EFCAB9: variants seen among roughly 807,000 people sequenced by gnomAD.
The protein encoded by EFCAB9 is EF-hand calcium-binding domain-containing protein 9.
In EFCAB9, 16 loss-of-function variants were observed where a neutral mutation model predicts 15.6. The observed-to-expected ratio is 1.03, with a 90% CI of 0.69 to 1.56. The LOEUF is 1.56. EFCAB9 is among the 40% of genes most tolerant of loss of function. The pLI is 0.00. For synonymous variants in EFCAB9, 76 were observed against 85.4 expected (o/e 0.89, Z 0.61); for missense variants, 208 against 235.4 (o/e 0.88, Z 0.76).
chr5:172,201,745 G>A (rs568428385), intron 3 of EFCAB9, among the ~76,000 whole-genome samples: 30 of 152,204 alleles, frequency 2.0e-4, no homozygotes, highest in South Asian at 6.2e-4. Context: ...ACTGTGGTGC[G>A]CACCTGTAGT....
At chr5:172,194,410 T>C in intron 1 of EFCAB9, 102 bp downstream of exon 1, 1 of 1,429,302 alleles carries the variant, frequency 7.0e-7, no homozygotes, top group Middle Eastern at 1.8e-4. Context: ...GTACATTTTT[T>C]TTTTTTTGAG....
chr5:172,200,868 C>CA, intron 3 of EFCAB9, 126 bp downstream of exon 3: 1 of 903,364 alleles, frequency 1.1e-6, no homozygotes, highest in South Asian at 1.8e-5. Context: ...CAAATAAGCA[C>CA]ATTGCATGGC....
At position 172,203,286 on chromosome 5, in the gene EFCAB9, GAGGAGAAAGAAAA is replaced by G. The variant is rs1771289467; in HGVS notation, c.542_554del (p.Lys181ArgfsTer34). ...CAAATTACAGAAGAGGCAGAAAACA[GAGGAGAAAGAAAA>G]AGGAGAGAGAAAGAGAAGTCTCTAC... On this transcript the variant is annotated frameshift_variant, in exon 4 of 4. Transcript: ENST00000398186. LOFTEE classifies it low-confidence loss of function (END_TRUNC). The G allele has an allele frequency of 6.5e-7, 1 of 1,536,666 alleles. No individual in the cohort carries two copies. The highest frequency in any genetic ancestry group is 8.7e-7 in the Non-Finnish European group (1 of 1,146,724).
intron 1 of EFCAB9, among the ~76,000 whole-genome samples, chr5:172,195,341 G>C (rs1263458638): frequency 1.3e-5 from 2 of 152,168 alleles, no homozygotes; most frequent in Admixed American, 1.3e-4. Flanking sequence ...ACCTCAGAGA[G>C]AGAAATGTCA....
At chr5:172,195,183 A>AATAT (rs779715012) in intron 1 of EFCAB9, among the ~76,000 whole-genome samples, 2 of 146,988 alleles carry the variant, frequency 1.4e-5, no homozygotes, top group Non-Finnish European at 3.0e-5. Context: ...TAAATAAATA[A>AATAT]AAATAAATAA....
intron 3 of EFCAB9, 104 bp downstream of exon 3, chr5:172,200,846 GA>G: frequency 8.6e-7 from 1 of 1,163,864 alleles, no homozygotes; most frequent in Non-Finnish European, 1.2e-6. Context: ...AGGAGGGAGG[GA>G]AAAACCTACT....
In EFCAB9 at chr5:172,200,725, G is replaced by A. The variant is rs372002793; in HGVS notation, c.445G>A (p.Asp149Asn). The change falls in exon 3 of 4, where the codon GAC becomes AAC. Residue 149 changes from aspartate to asparagine, a missense_variant. Asp to Asn is a conservative substitution (Grantham distance 23, BLOSUM62 1). Transcript: ENST00000398186. ...QELKDLFRDF[D>N]ITGDNRLNYQ... ...ACTCAAAGATCTCTTCCGTGACTTTGACATTACAGGTGACAATGTAAGTAC... is the reference window on the plus strand; with the variant it reads ...ACTCAAAGATCTCTTCCGTGACTTTAACATTACAGGTGACAATGTAAGTAC... 6 of 1,537,026 alleles carry A rather than the reference G, an allele frequency of 3.9e-6. No homozygotes were observed. The African/African-American group carries it at 8.2e-5, about 21-fold the overall frequency.
At chr5:172,194,551 C>T (rs2113856788) in intron 1 of EFCAB9, among the ~76,000 whole-genome samples, 1 of 152,272 alleles carries the variant, frequency 6.6e-6, no homozygotes, top group East Asian at 1.9e-4. Flanking sequence ...AGGTGTCTGC[C>T]ACCACGCCTG....
chr5:172,199,762 C>T (rs1458561677), intron 2 of EFCAB9, among the ~76,000 whole-genome samples: 1 of 152,078 alleles, frequency 6.6e-6, no homozygotes, highest in East Asian at 1.9e-4. Flanking sequence ...AGATGTGGCC[C>T]ATCGCATCCC....
intron 3 of EFCAB9, among the ~76,000 whole-genome samples, chr5:172,201,356 A>G (rs1002003611): frequency 1.3e-5 from 2 of 151,194 alleles, no homozygotes; most frequent in African/African-American, 4.9e-5. Flanking sequence ...CCTGGGCAAC[A>G]AGAGGGAAAC....
At chr5:172,201,825 AT>A (rs1771261004) in intron 3 of EFCAB9, among the ~76,000 whole-genome samples, 2 of 152,304 alleles carry the variant, frequency 1.3e-5, no homozygotes, top group African/African-American at 4.8e-5. Flanking sequence ...CCCGGGCAAC[AT>A]AGTGAGATCC....
At chr5:172,202,739 C>CT (rs1561844047) in intron 3 of EFCAB9, among the ~76,000 whole-genome samples, 5 of 151,482 alleles carry the variant, frequency 3.3e-5, no homozygotes. Context: ...CAGTGTCTCA[C>CT]GCCTGTAATC....
At chr5:172,196,340 G>T (rs572615997) in intron 1 of EFCAB9, among the ~76,000 whole-genome samples, 67 of 152,112 alleles carry the variant, frequency 4.4e-4, no homozygotes, top group Non-Finnish European at 1.3e-4. Context: ...GGCTTCAGCT[G>T]GGACTCCACA....
In EFCAB9 at chr5:172,199,932, C is replaced by CTTTTT. The variant is rs34086491; in HGVS notation, c.285+419_285+423dup. Among the ~76,000 whole-genome samples, 9 of 102,348 alleles carry CTTTTT rather than the reference C, an allele frequency of 8.8e-5. 1 individual carries two copies. Among genetic ancestry groups the CTTTTT allele is most frequent in the Admixed American group, 1.1e-4 (1 of 9,166 alleles). 67.1% of individuals were successfully genotyped at this position (102,348 alleles called of 152,430 possible). On this transcript the variant is annotated intron_variant, in intron 2 of 3. Transcript: ENST00000398186. ...TTCCAGTATGTACTTACCCAGTTTC[C>CTTTTT]TTTTTTTTTTTTTTTTTTTTTTGAG...
intron 1 of EFCAB9, 44 bp from the exon 2 acceptor site, chr5:172,199,339 A>C (rs992686756): frequency 1.3e-5 from 20 of 1,529,274 alleles, no homozygotes; most frequent in Non-Finnish European, 1.7e-5. Flanking sequence ...GCATTTTGGA[A>C]CTATATCCAA....
Position 172,194,273 on chromosome 5 carries a change from A to G in EFCAB9, c.101A>G (p.His34Arg). The change falls in exon 1 of 4, where the codon CAT becomes CGT. Residue 34 changes from histidine (H) to arginine (R), a missense_variant. Coordinates refer to ENST00000398186, the MANE Select transcript of EFCAB9 (RefSeq NM_001171183.2). ...GTGAAGGCTTTGGCAGAATATTTTC[A>G]TATTCTGGACGTGCACGGCAAGAAC... ...RNVKALAEYF[H>R]ILDVHGKNTL... 1 of 1,537,920 alleles carries G rather than the reference A, an allele frequency of 6.5e-7. No individual in the cohort carries two copies. The highest frequency in any genetic ancestry group is 1.2e-5 in the South Asian group (1 of 84,066).
chr5:172,203,010 A>T (rs1263050249), intron 3 of EFCAB9, among the ~76,000 whole-genome samples: 2 of 152,196 alleles, frequency 1.3e-5, no homozygotes, highest in Non-Finnish European at 2.9e-5. Context: ...AAAAAATAAA[A>T]GTGGCCCTTG....
rs1251017114 is a variant in EFCAB9, at chr5:172,199,448, T to C, written c.202T>C (p.Phe68Leu). 23 of 1,537,192 alleles carry C rather than the reference T, an allele frequency of 1.5e-5. No individual in the cohort carries two copies. The highest frequency in any genetic ancestry group is 1.7e-6 in the Non-Finnish European group (2 of 1,146,920). Residue 68 changes from phenylalanine (F) to leucine (L), a missense_variant, in exon 2 of 4, where the codon TTT becomes CTT. Physicochemically the swap from Phe to Leu is conservative, Grantham distance 22. Transcript: ENST00000398186. ...DLKKAQINIV[F>L]DMLDWNAVGE... Reference sequence around the variant, plus strand: ...GAAAAAGGCACAGATCAACATTGTGTTTGACATGCTGGACTGGAACGCTGT... The same window carrying C: ...GAAAAAGGCACAGATCAACATTGTGCTTGACATGCTGGACTGGAACGCTGT...
rs148065506 is a variant in EFCAB9, at chr5:172,197,327, G to A, written c.137-2056G>A. 4.9e-3 allele frequency among the ~76,000 whole-genome samples: 742 copies of A among 152,034 alleles called. 10 individuals carry two copies. Among genetic ancestry groups the A allele is most frequent in the South Asian group, 0.03 (145 of 4,804 alleles). ...TCTCCATGTTGGTCAGGCTGATCTC[G>A]AACTCGTGACCTCAGGTAATCCGCC... On this transcript the variant is annotated intron_variant, in intron 1 of 3. Transcript: ENST00000398186.
Sources: allele counts gnomAD v4.1 joint callset (sites outside exome capture counted in the v4.1 genomes callset), GRCh38; gene constraint gnomAD v4.1.1; transcripts MANE v1.5; gene names NCBI Gene and HGNC (gene_info 2026-07-23, HGNC 2026-07-21).